NCEH1: variants seen among roughly 807,000 people sequenced by gnomAD.
The protein encoded by NCEH1 is neutral cholesterol ester hydrolase 1, also known as 2-acetyl MAGE hydrolase.
Under a neutral mutation model 25.4 loss-of-function variants are expected in NCEH1, and 9 were observed. The ratio of observed to expected loss-of-function variants is 0.35; its 90% CI spans 0.21 to 0.62. NCEH1 has a LOEUF of 0.62. Ranked by LOEUF, NCEH1 falls within the 20% of genes least tolerant of loss-of-function variation. NCEH1 has a pLI of 0.72. For synonymous variants in NCEH1, 200 were observed against 199.8 expected (o/e 1.00, Z -0.01); for missense variants, 412 against 501.1 (o/e 0.82, Z 1.70).
At position 172,633,454 on chromosome 3, in the gene NCEH1, G is replaced by A. The variant is rs914513443; in HGVS notation, c.*21C>T. On this transcript the variant is annotated 3_prime_UTR_variant, in exon 5 of 5. Coordinates refer to ENST00000475381, the MANE Select transcript of NCEH1 (RefSeq NM_020792.6). ...TGTAGGAGGTCAAGAGGGGCTCGAG[G>A]CTTCTGGAAGTTTTGCTCCTTTACA... 2.5e-6 allele frequency: 4 copies of A among 1,601,290 alleles called. No homozygotes were observed. Among genetic ancestry groups the A allele is most frequent in the South Asian group, 1.1e-5 (1 of 89,110 alleles).
intron 3 of NCEH1, among the ~76,000 whole-genome samples, chr3:172,637,482 G>C (rs966515005): frequency 1.3e-5 from 2 of 152,192 alleles, no homozygotes; most frequent in African/African-American, 2.4e-5. Flanking sequence ...GCTGAGAGCG[G>C]TGGCTCACAC....
At chr3:172,670,485 T>C (rs528355075) in intron 1 of NCEH1, among the ~76,000 whole-genome samples, 3 of 152,336 alleles carry the variant, frequency 2.0e-5, no homozygotes, top group South Asian at 4.1e-4. Flanking sequence ...ACATCCTGAC[T>C]ATGAGGAAAG....
At chr3:172,677,732 T>C (rs1712096403) in intron 1 of NCEH1, among the ~76,000 whole-genome samples, 1 of 152,162 alleles carries the variant, frequency 6.6e-6, no homozygotes, top group African/African-American at 2.4e-5. Context: ...ATTGAGACCA[T>C]CCTGGCTAAC....
At chr3:172,676,111 A>C (rs778453573) in intron 1 of NCEH1, among the ~76,000 whole-genome samples, 1 of 152,090 alleles carries the variant, frequency 6.6e-6, no homozygotes, top group Non-Finnish European at 1.5e-5. Flanking sequence ...ACACCCCCTA[A>C]CAGCAGTTAG....
Position 172,676,746 on chromosome 3 carries a change from T to G in NCEH1, c.139-28632A>C, listed in dbSNP as rs192669092. 1.3e-4 allele frequency among the ~76,000 whole-genome samples: 20 copies of G among 152,322 alleles called. No homozygotes were observed. The East Asian group carries it at 3.9e-3, about 29-fold the overall frequency. On this transcript the variant is annotated intron_variant, in intron 1 of 4. Transcript: ENST00000475381. The stretch of plus-strand genomic sequence containing the variant: ...TAAACTGGCGCGAGACCAAGGACCC[T>G]GGTGTTCCTTCAGTCATCGGAGCCA...
chr3:172,635,492 T>C (rs750007458), intron 4 of NCEH1, among the ~76,000 whole-genome samples: 2 of 152,078 alleles, frequency 1.3e-5, no homozygotes, highest in Non-Finnish European at 2.9e-5. Context: ...TTCTTTTACA[T>C]TAAAAAAAAG....
chr3:172,650,811 C>CAA (rs1717362772), intron 1 of NCEH1, among the ~76,000 whole-genome samples: 3 of 89,990 alleles, frequency 3.3e-5, no homozygotes, highest in African/African-American at 1.5e-4. Flanking sequence ...GACTCTGCCT[C>CAA]GAAAAAAAAA....
At chr3:172,652,708 T>A (rs138712707) in intron 1 of NCEH1, among the ~76,000 whole-genome samples, 1 of 152,126 alleles carries the variant, frequency 6.6e-6, no homozygotes, top group Non-Finnish European at 1.5e-5. Context: ...CTCTATTTCT[T>A]TTTTTTAGAC....
chr3:172,650,047 G>A (rs962463639), intron 1 of NCEH1, among the ~76,000 whole-genome samples: 1 of 152,186 alleles, frequency 6.6e-6, no homozygotes, highest in Non-Finnish European at 1.5e-5. Context: ...TGTAATGCAT[G>A]CTCTGAGTAC....
chr3:172,701,317 T>G (rs1437782902), intron 1 of NCEH1, among the ~76,000 whole-genome samples: 3 of 152,152 alleles, frequency 2.0e-5, no homozygotes, highest in Non-Finnish European at 4.4e-5. Flanking sequence ...AGGAGTCATC[T>G]TTGACTCCTT....
intron 1 of NCEH1, among the ~76,000 whole-genome samples, chr3:172,700,229 T>C (rs1312228768): frequency 6.6e-6 from 1 of 152,218 alleles, no homozygotes; most frequent in Non-Finnish European, 1.5e-5. Flanking sequence ...TTATAAATCT[T>C]GTGAATTCTG....
intron 1 of NCEH1, among the ~76,000 whole-genome samples, chr3:172,707,648 T>C (rs1011074286): frequency 7.2e-5 from 11 of 152,052 alleles, no homozygotes; most frequent in African/African-American, 2.4e-4. Context: ...TGCAGTGGCC[T>C]GATCTCGGCC....
intron 2 of NCEH1, 123 bp from the exon 3 acceptor site, chr3:172,645,815 G>A: frequency 1.9e-6 from 1 of 537,076 alleles, no homozygotes; most frequent in East Asian, 3.0e-5. Flanking sequence ...ATAATAAAAA[G>A]CAAATGTGAA....
In NCEH1 at chr3:172,662,631, C is replaced by T. The variant is rs530156166; in HGVS notation, c.139-14517G>A. ...TGGTTGGTAGGCTATTAATTATTGC[C>T]TCAATTTCAGAACCTGTTATTGGTC... On this transcript the variant is annotated intron_variant, in intron 1 of 4. Transcript: ENST00000475381. Among the ~76,000 whole-genome samples the T allele has an allele frequency of 1.2e-4, 18 of 152,298 alleles. No homozygotes were observed. In the South Asian group the frequency reaches 3.5e-3, roughly 30 times the overall value.
chr3:172,656,535 G>A (rs943654470), intron 1 of NCEH1, among the ~76,000 whole-genome samples: 2 of 152,132 alleles, frequency 1.3e-5, no homozygotes, highest in Admixed American at 1.3e-4. Context: ...GGGAGGCCGA[G>A]GCAGGTGCAT....
chr3:172,651,702 G>A (rs568258571), intron 1 of NCEH1, among the ~76,000 whole-genome samples: 13 of 151,844 alleles, frequency 8.6e-5, no homozygotes, highest in South Asian at 6.2e-4. Flanking sequence ...GAGATTACAG[G>A]CATGCACCAC....
chr3:172,684,998 A>G (rs1712618801), intron 1 of NCEH1, among the ~76,000 whole-genome samples: 1 of 147,098 alleles, frequency 6.8e-6, no homozygotes, highest in Admixed American at 6.6e-5. Context: ...ATCCCCAAAA[A>G]AAAGACCCAT....
At chr3:172,705,906 G>T (rs143132896) in intron 1 of NCEH1, among the ~76,000 whole-genome samples, 52 of 149,692 alleles carry the variant, frequency 3.5e-4, no homozygotes, top group Non-Finnish European at 6.8e-4. Flanking sequence ...GCTGAGGCAC[G>T]AGAATCACTT....
chr3:172,642,888 C>T (rs1214206369), intron 3 of NCEH1, among the ~76,000 whole-genome samples: 6 of 152,144 alleles, frequency 3.9e-5, no homozygotes, highest in East Asian at 1.9e-4. Context: ...GGAAGGAAGA[C>T]GTGATTTCTG....
Sources: gnomAD v4.1 joint callset for allele counts (sites outside exome capture counted in the v4.1 genomes callset) on GRCh38, gnomAD v4.1.1 for gene constraint, MANE v1.5 for transcripts, NCBI Gene and HGNC (gene_info 2026-07-23, HGNC 2026-07-21) for gene names.